Variants in BBX observed in about 807,000 individuals in gnomAD.
BBX encodes BBX high mobility group box domain containing, also known as HMG box transcription factor BBX.
In BBX, 30 loss-of-function variants were observed where a neutral mutation model predicts 100.2. That is an observed-to-expected ratio of 0.30 (90% CI 0.22 to 0.41). The LOEUF (loss-of-function observed/expected upper bound fraction) is 0.41, where lower values mean the gene tolerates loss of function less well. Ranked by LOEUF, BBX falls within the 10% of genes least tolerant of loss-of-function variation. BBX has a pLI of 1.00. For missense variants in BBX, 1,023 were observed against 1,129.8 expected (o/e 0.91, Z 1.35); for synonymous variants, 376 against 388.1 (o/e 0.97, Z 0.37).
At chr3:107,586,691 G>A (rs1187887379) in intron 2 of BBX, among the ~76,000 whole-genome samples, 1 of 152,066 alleles carries the variant, frequency 6.6e-6, no homozygotes, top group African/African-American at 2.4e-5. Context: ...AAGCAAGTTT[G>A]AGAAATAGTG....
intron 5 of BBX, among the ~76,000 whole-genome samples, chr3:107,724,710 A>G (rs903383978): frequency 1.3e-5 from 2 of 152,108 alleles, no homozygotes; most frequent in Non-Finnish European, 2.9e-5. Context: ...CAAAGATCAG[A>G]TAGTTGTAGA....
chr3:107,696,548 A>G (rs1180666591), intron 3 of BBX, among the ~76,000 whole-genome samples: 4 of 151,806 alleles, frequency 2.6e-5, no homozygotes, highest in Admixed American at 6.6e-5. Flanking sequence ...TGGCTTCTAG[A>G]GTTTCTGCCA....
At position 107,566,204 on chromosome 3, in the gene BBX, AT is replaced by A. The variant is rs1271720616; in HGVS notation, c.-84+39807del. 7.7e-5 allele frequency among the ~76,000 whole-genome samples: 11 copies of A among 142,574 alleles called. 1 individual carries two copies. Among genetic ancestry groups the A allele is most frequent in the African/African-American group, 2.7e-4 (10 of 37,640 alleles). The allele number at this position is 142,574 out of a possible 152,430, so 93.5% of individuals were successfully genotyped here. A position where few individuals can be genotyped will look rare whatever the true frequency, so the allele number is the denominator to read the frequency against. On this transcript the variant is annotated intron_variant, in intron 2 of 17. Transcript: ENST00000325805. ...AAAAAAAAAAAAAAAAAAAAAAAAGATAGTTTGTTGACCTAATCATGTCATT... is the reference window on the plus strand; with the variant it reads ...AAAAAAAAAAAAAAAAAAAAAAAAGAAGTTTGTTGACCTAATCATGTCATT...
chr3:107,536,409 A>T (rs2048495376), intron 2 of BBX, among the ~76,000 whole-genome samples: 1 of 152,126 alleles, frequency 6.6e-6, no homozygotes, highest in South Asian at 2.1e-4. Context: ...TGAAACATGG[A>T]AATAGGGTAT....
intron 12 of BBX, among the ~76,000 whole-genome samples, chr3:107,775,614 A>G (rs947990643): frequency 1.3e-5 from 2 of 152,128 alleles, no homozygotes; most frequent in Non-Finnish European, 2.9e-5. Flanking sequence ...GAATAGAAAT[A>G]AGTACATTGT....
At chr3:107,733,554 A>AT (rs1246841864) in intron 7 of BBX, among the ~76,000 whole-genome samples, 1 of 152,080 alleles carries the variant, frequency 6.6e-6, no homozygotes, top group Non-Finnish European at 1.5e-5. Flanking sequence ...GTGCAGTGGC[A>AT]TGATCACAAC....
At chr3:107,559,114 G>A (rs1241351580) in intron 2 of BBX, among the ~76,000 whole-genome samples, 5 of 152,198 alleles carry the variant, frequency 3.3e-5, no homozygotes, top group Non-Finnish European at 5.9e-5. Context: ...AGTTCTGGGA[G>A]AAAAGTTGTT....
chr3:107,771,450 A>G (rs1487033314), intron 10 of BBX, among the ~76,000 whole-genome samples: 5 of 152,214 alleles, frequency 3.3e-5, no homozygotes, highest in African/African-American at 1.2e-4. Flanking sequence ...AATTGGGGCC[A>G]GATGGGTTTT....
At chr3:107,591,393 A>G (rs1050119366) in intron 2 of BBX, among the ~76,000 whole-genome samples, 10 of 152,216 alleles carry the variant, frequency 6.6e-5, no homozygotes, top group African/African-American at 2.2e-4. Flanking sequence ...GTGTAAGTCC[A>G]TTAAAAGAAG....
intron 2 of BBX, among the ~76,000 whole-genome samples, chr3:107,636,931 G>T (rs988118082): frequency 1.3e-5 from 2 of 152,100 alleles, no homozygotes; most frequent in African/African-American, 4.8e-5. Context: ...TTGGTACTAG[G>T]TGTTTCTAGT....
At chr3:107,577,574 A>G (rs1477859302) in intron 2 of BBX, among the ~76,000 whole-genome samples, 2 of 152,198 alleles carry the variant, frequency 1.3e-5, no homozygotes, top group Non-Finnish European at 2.9e-5. Flanking sequence ...CTCACTGATT[A>G]TTAGGCATAA....
At chr3:107,593,074 C>A (rs149581803) in intron 2 of BBX, among the ~76,000 whole-genome samples, 1 of 152,178 alleles carries the variant, frequency 6.6e-6, no homozygotes, top group Non-Finnish European at 1.5e-5. Flanking sequence ...TTAACACCCT[C>A]GTTGGGAGTT....
chr3:107,783,734 A>C (rs1354508747), intron 13 of BBX, among the ~76,000 whole-genome samples: 1 of 152,078 alleles, frequency 6.6e-6, no homozygotes, highest in Non-Finnish European at 1.5e-5. Flanking sequence ...CAGTGATTGC[A>C]AATAGATTTT....
At chr3:107,648,435 A>G (rs1443016431) in intron 3 of BBX, among the ~76,000 whole-genome samples, 1 of 152,220 alleles carries the variant, frequency 6.6e-6, no homozygotes, top group Non-Finnish European at 1.5e-5. Flanking sequence ...GATACTTAAA[A>G]TAATTCTTTT....
rs2071171502 is a variant in BBX at position 107,808,557 on chromosome 3, A to C, written c.*3100A>C. On this transcript the variant is annotated 3_prime_UTR_variant, in exon 18 of 18. Coordinates refer to ENST00000325805, the MANE Select transcript of BBX (RefSeq NM_001142568.3). ...TTTCCTATGTAATTTTGAAGTGTGT[A>C]GAGTATATTATAGTAACTGAAGCTG... 1.3e-5 allele frequency: 2 copies of C among 152,148 alleles called. No homozygotes were observed. Among genetic ancestry groups the C allele is most frequent in the Admixed American group, 1.3e-4 (2 of 15,270 alleles). 9.4% of individuals were successfully genotyped at this position (152,148 alleles called of 1,614,324 possible).
chr3:107,652,302 G>A (rs151218570), intron 3 of BBX, among the ~76,000 whole-genome samples: 86 of 152,126 alleles, frequency 5.7e-4, no homozygotes, highest in African/African-American at 2.0e-3. Flanking sequence ...TCTAAAAAAT[G>A]TAATCAAAAA....
chr3:107,655,799 C>T (rs1038026181), intron 3 of BBX, among the ~76,000 whole-genome samples: 4 of 151,664 alleles, frequency 2.6e-5, no homozygotes, highest in African/African-American at 7.3e-5. Flanking sequence ...CTCCCGGATT[C>T]GCGCCATTCT....
intron 2 of BBX, among the ~76,000 whole-genome samples, chr3:107,584,128 A>G (rs1368371573): frequency 6.8e-5 from 2 of 29,380 alleles, no homozygotes; most frequent in Non-Finnish European, 1.1e-4. Flanking sequence ...TAATATATAT[A>G]TTATTATATA....
intron 2 of BBX, among the ~76,000 whole-genome samples, chr3:107,548,697 A>C (rs1332393503): frequency 6.6e-6 from 1 of 152,226 alleles, no homozygotes; most frequent in Non-Finnish European, 1.5e-5. Flanking sequence ...TGTTATGTTC[A>C]TTCCAGTGCT....
Sources: allele counts gnomAD v4.1 joint callset (sites outside exome capture counted in the v4.1 genomes callset), GRCh38; gene constraint gnomAD v4.1.1; transcripts MANE v1.5; gene names NCBI Gene and HGNC (gene_info 2026-07-23, HGNC 2026-07-21).